The following SUPT3H variants were observed in gnomAD, a reference collection of about 807,000 sequenced individuals.
SUPT3H encodes SPT3 homolog, SAGA and STAGA complex component.
Under a neutral mutation model 44.3 loss-of-function variants are expected in SUPT3H, and 44 were observed. The observed-to-expected ratio is 0.99, with a 90% confidence interval of 0.78 to 1.28. SUPT3H has a LOEUF of 1.28. Ranked by LOEUF, SUPT3H falls within the 50% of genes most tolerant of loss-of-function variation. The pLI is 0.00. For synonymous variants in SUPT3H, 124 were observed against 125.6 expected, an observed-to-expected ratio of 0.99 and a Z score of 0.09; for missense variants, 380 against 387.1, an observed-to-expected ratio of 0.98 and a Z score of 0.15.
intron 2 of SUPT3H, among the ~76,000 whole-genome samples, chr6:45,136,505 T>C (rs943224735): frequency 1.3e-5 from 2 of 152,020 alleles, no homozygotes; most frequent in Non-Finnish European, 2.9e-5. Context: ...AAGCAGTCAT[T>C]ATAAATATTT....
At chr6:44,982,230 G>A (rs1367080552) in intron 6 of SUPT3H, among the ~76,000 whole-genome samples, 1 of 151,830 alleles carries the variant, frequency 6.6e-6, no homozygotes, top group Non-Finnish European at 1.5e-5. Context: ...CTGTCACCCA[G>A]GCTTTTTTTT....
intron 10 of SUPT3H, among the ~76,000 whole-genome samples, chr6:44,878,631 G>A (rs1777688366): frequency 6.6e-6 from 1 of 152,128 alleles, no homozygotes; most frequent in Non-Finnish European, 1.5e-5. Flanking sequence ...GGGTGTGGAT[G>A]GCAAGATGGC....
At chr6:44,986,648 T>C (rs1029688575) in intron 6 of SUPT3H, among the ~76,000 whole-genome samples, 5 of 152,102 alleles carry the variant, frequency 3.3e-5, no homozygotes, top group Non-Finnish European at 7.4e-5. Flanking sequence ...ATTAAAGTAA[T>C]TAAAGGTGGT....
chr6:45,092,764 AAAAAAAAT>A (rs1313935741), intron 3 of SUPT3H, among the ~76,000 whole-genome samples: 2 of 133,438 alleles, frequency 1.5e-5, no homozygotes, highest in Non-Finnish European at 3.4e-5. Flanking sequence ...AAAAAAAAAA[AAAAAAAAT>A]TAAGTCAATT....
At chr6:45,030,463 C>A (rs1185445063) in intron 3 of SUPT3H, among the ~76,000 whole-genome samples, 1 of 152,110 alleles carries the variant, frequency 6.6e-6, no homozygotes, top group Admixed American at 6.6e-5. Flanking sequence ...CTTCAAAGGA[C>A]AAAAATATAA....
intron 2 of SUPT3H, among the ~76,000 whole-genome samples, chr6:45,166,212 G>A (rs978194109): frequency 2.0e-5 from 3 of 152,142 alleles, no homozygotes; most frequent in South Asian, 2.1e-4. Context: ...AAGATGGCTT[G>A]CATCTGGGAG....
intron 6 of SUPT3H, among the ~76,000 whole-genome samples, chr6:44,977,756 T>C (rs1480739530): frequency 1.3e-5 from 2 of 152,200 alleles, no homozygotes; most frequent in Non-Finnish European, 1.5e-5. Flanking sequence ...TTCTATCTGA[T>C]CAAGTAAAAT....
At chr6:45,238,877 T>C (rs1240485240) in intron 2 of SUPT3H, among the ~76,000 whole-genome samples, 1 of 152,196 alleles carries the variant, frequency 6.6e-6, no homozygotes, top group Admixed American at 6.5e-5. Flanking sequence ...TTGTGGGTAT[T>C]CTCCATAGTC....
At chr6:45,011,159 TG>T (rs2153511281) in intron 5 of SUPT3H, among the ~76,000 whole-genome samples, 1 of 152,220 alleles carries the variant, frequency 6.6e-6, no homozygotes, top group Non-Finnish European at 1.5e-5. Context: ...TAAAAAACAT[TG>T]CAGTCTGGTT....
At chr6:45,003,066 A>T (rs1782215662) in intron 6 of SUPT3H, among the ~76,000 whole-genome samples, 1 of 152,166 alleles carries the variant, frequency 6.6e-6, no homozygotes. Context: ...TAAAGAAATA[A>T]TAATTTTATG....
intron 2 of SUPT3H, among the ~76,000 whole-genome samples, chr6:45,184,632 A>G (rs1181008595): frequency 6.6e-6 from 1 of 152,180 alleles, no homozygotes; most frequent in South Asian, 2.1e-4. Flanking sequence ...TGAAAGGTAG[A>G]AAAAAAGAAG....
Position 44,867,098 on chromosome 6 carries a change from C to T in SUPT3H, c.913-37241G>A, listed in dbSNP as rs559934290. On this transcript the variant is annotated intron_variant, in intron 10 of 10. Coordinates refer to ENST00000371459, the MANE Select transcript of SUPT3H (RefSeq NM_003599.4). ...ACTATGATTACTGAAATTTGGGCCA[C>T]GAATAATTAAATCTTTAAAGAACTT... 4.0e-5 allele frequency among the ~76,000 whole-genome samples: 6 copies of T among 150,998 alleles called. No individual in the cohort carries two copies. In the East Asian group the frequency reaches 7.8e-4, roughly 20 times the overall value.
chr6:44,911,349 T>C (rs910946403), intron 10 of SUPT3H, among the ~76,000 whole-genome samples: 1 of 152,158 alleles, frequency 6.6e-6, no homozygotes, highest in Non-Finnish European at 1.5e-5. Flanking sequence ...TTTGGGCAGA[T>C]TCAGAAAATA....
chr6:45,183,936 A>G (rs1813721557), intron 2 of SUPT3H, among the ~76,000 whole-genome samples: 1 of 152,220 alleles, frequency 6.6e-6, no homozygotes, highest in African/African-American at 2.4e-5. Context: ...GAGGAAGTGA[A>G]AGATGAAGGG....
At chr6:45,078,604 A>T (rs972355813) in intron 3 of SUPT3H, among the ~76,000 whole-genome samples, 1 of 152,198 alleles carries the variant, frequency 6.6e-6, no homozygotes, top group African/African-American at 2.4e-5. Flanking sequence ...TCAAGTGGTG[A>T]TAAATTCCCT....
chr6:45,135,501 T>C (rs1024243371), intron 2 of SUPT3H, among the ~76,000 whole-genome samples: 8 of 152,322 alleles, frequency 5.3e-5, no homozygotes, highest in African/African-American at 1.7e-4. Context: ...ATATTTTGCA[T>C]AGAAATTTAT....
At chr6:45,207,835 C>T (rs1763431425) in intron 2 of SUPT3H, among the ~76,000 whole-genome samples, 1 of 152,148 alleles carries the variant, frequency 6.6e-6, no homozygotes, top group Non-Finnish European at 1.5e-5. Context: ...CACACCCTCT[C>T]CTGGAGCCTA....
intron 3 of SUPT3H, among the ~76,000 whole-genome samples, chr6:45,027,636 G>A (rs572469828): frequency 2.6e-5 from 4 of 152,092 alleles, no homozygotes; most frequent in South Asian, 2.1e-4. Context: ...TAACTAGAAC[G>A]GATTCAAACT....
intron 6 of SUPT3H, among the ~76,000 whole-genome samples, chr6:44,972,549 C>T (rs561421579): frequency 3.9e-5 from 6 of 152,258 alleles, no homozygotes; most frequent in African/African-American, 1.4e-4. Flanking sequence ...AGAATGGTGG[C>T]CCTTTTACAG....
Sources: gnomAD v4.1 joint callset for allele counts (sites outside exome capture counted in the v4.1 genomes callset) on GRCh38, gnomAD v4.1.1 for gene constraint, MANE v1.5 for transcripts, NCBI Gene and HGNC (gene_info 2026-07-23, HGNC 2026-07-21) for gene names.